Variants in THADA observed in about 807,000 individuals in gnomAD.
THADA encodes the protein tRNA (32-2'-O)-methyltransferase regulator THADA.
THADA carries 213 observed loss-of-function variants against 219.8 expected under a neutral mutation model. The ratio of observed to expected loss-of-function variants is 0.97; its 90% CI spans 0.87 to 1.09. The LOEUF is 1.09. Ranked by LOEUF, THADA falls within the 50% of genes least tolerant of loss-of-function variation. THADA has a pLI of 0.00. For missense variants in THADA, 2,956 were observed against 2,311.3 expected, an observed-to-expected ratio of 1.28 and a Z score of -5.72; for synonymous variants, 1,018 against 828.9, an observed-to-expected ratio of 1.23 and a Z score of -3.92.
At chr2:43,582,412 G>A (rs1044272701) in intron 7 of THADA, among the ~76,000 whole-genome samples, 2 of 150,788 alleles carry the variant, frequency 1.3e-5, no homozygotes, top group Non-Finnish European at 3.0e-5. Flanking sequence ...CAGGAGAATC[G>A]CTTGAACCCC....
chr2:43,232,969 G>C (rs1667616485), intron 36 of THADA, 87 bp from the exon 37 acceptor site: 1 of 1,422,192 alleles, frequency 7.0e-7, no homozygotes, highest in Non-Finnish European at 9.4e-7. Context: ...AACAATAAAG[G>C]CCTCAGGTAA....
intron 28 of THADA, among the ~76,000 whole-genome samples, chr2:43,424,467 G>A (rs1185049082): frequency 3.9e-5 from 6 of 152,070 alleles, no homozygotes; most frequent in Non-Finnish European, 8.8e-5. Flanking sequence ...CTGACCCACT[G>A]TGCATACACC....
At chr2:43,498,249 G>A (rs1688511891) in intron 25 of THADA, among the ~76,000 whole-genome samples, 1 of 152,100 alleles carries the variant, frequency 6.6e-6, no homozygotes, top group Non-Finnish European at 1.5e-5. Context: ...GGGAGTTAGT[G>A]TTTAATGAGT....
rs1292311559 is a variant in THADA, at chr2:43,371,487, TGA to T, written c.4227+26482_4227+26483del. Among the ~76,000 whole-genome samples the T allele has an allele frequency of 3.3e-5, 5 of 152,212 alleles. No homozygotes were observed. The East Asian group carries it at 7.7e-4, about 23-fold the overall frequency. ...AGAAAGAGCAATGCTCAGTTTTTGTTGAGAGGGGAATGAACTTTCACAAGTAA... is the reference window on the plus strand; with the variant it reads ...AGAAAGAGCAATGCTCAGTTTTTGTTGAGGGGAATGAACTTTCACAAGTAA... On this transcript the variant is annotated intron_variant, in intron 29 of 37. Coordinates refer to ENST00000405975, the MANE Select transcript of THADA (RefSeq NM_022065.5).
intron 26 of THADA, among the ~76,000 whole-genome samples, chr2:43,432,875 T>C (rs1469573485): frequency 6.6e-6 from 1 of 152,242 alleles, no homozygotes; most frequent in East Asian, 1.9e-4. Flanking sequence ...TTGCTTTTCC[T>C]TGGTCATATA....
chr2:43,588,331 T>A (rs1701212423), intron 4 of THADA, among the ~76,000 whole-genome samples: 1 of 151,646 alleles, frequency 6.6e-6, no homozygotes, highest in Non-Finnish European at 1.5e-5. Flanking sequence ...CAAATAATGT[T>A]TTAAATAATC....
At chr2:43,350,086 G>A (rs1668077754) in intron 29 of THADA, among the ~76,000 whole-genome samples, 3 of 152,154 alleles carry the variant, frequency 2.0e-5, no homozygotes, top group Admixed American at 2.0e-4. Context: ...GGTGATGTCA[G>A]GCCCCCTTTT....
chr2:43,578,178 G>T (rs534718255), intron 9 of THADA, among the ~76,000 whole-genome samples: 1 of 150,788 alleles, frequency 6.6e-6, no homozygotes, highest in African/African-American at 2.4e-5. Context: ...TAAGAGACAA[G>T]GTCTCACTCT....
intron 16 of THADA, among the ~76,000 whole-genome samples, chr2:43,557,077 T>C (rs1010873724): frequency 3.9e-5 from 6 of 152,038 alleles, no homozygotes; most frequent in Non-Finnish European, 5.9e-5. Flanking sequence ...AGTGAGACCC[T>C]GTCTCTATTA....
intron 36 of THADA, among the ~76,000 whole-genome samples, chr2:43,261,905 A>G (rs1393780426): frequency 6.6e-6 from 1 of 150,586 alleles, no homozygotes; most frequent in African/African-American, 2.4e-5. Flanking sequence ...CCAAAGTGCT[A>G]GGATTACAGG....
chr2:43,583,369 G>A (rs1574367586), intron 7 of THADA, among the ~76,000 whole-genome samples: 1 of 152,148 alleles, frequency 6.6e-6, no homozygotes, highest in Non-Finnish European at 1.5e-5. Flanking sequence ...ATCTTGGCCT[G>A]AGCCACTCTC....
intron 15 of THADA, 96 bp from the exon 16 acceptor site, chr2:43,560,481 A>G: frequency 1.1e-6 from 1 of 869,630 alleles, no homozygotes; most frequent in Non-Finnish European, 1.7e-6. Context: ...ATAAGTACCA[A>G]AAAACCACAC....
chr2:43,511,332 G>T (rs568412582), intron 22 of THADA, among the ~76,000 whole-genome samples: 4 of 152,312 alleles, frequency 2.6e-5, no homozygotes, highest in East Asian at 3.9e-4. Context: ...TCAACTGTCA[G>T]TGGGCCTCCC....
At position 43,266,027 on chromosome 2, in the gene THADA, A is replaced by G. The variant is rs547042117; in HGVS notation, c.5296+13738T>C. On this transcript the variant is annotated intron_variant, in intron 36 of 37. Coordinates refer to ENST00000405975, the MANE Select transcript of THADA (RefSeq NM_022065.5). ...GGTCTGAAGCAGAACCACCACAACC[A>G]CCACTATGTTCTATGAGTGGCTTTT... Among the ~76,000 whole-genome samples the G allele has an allele frequency of 1.9e-4, 28 of 147,288 alleles. No individual in the cohort carries two copies. The East Asian group carries it at 5.7e-3, about 30-fold the overall frequency.
At chr2:43,550,904 T>C (rs1008944941) in intron 19 of THADA, among the ~76,000 whole-genome samples, 7 of 152,154 alleles carry the variant, frequency 4.6e-5, no homozygotes, top group Non-Finnish European at 7.3e-5. Flanking sequence ...GGCAGAAGGA[T>C]TGCTTGACAA....
chr2:43,510,534 A>G (rs1252821221), intron 22 of THADA, among the ~76,000 whole-genome samples: 1 of 152,114 alleles, frequency 6.6e-6, no homozygotes, highest in Non-Finnish European at 1.5e-5. Context: ...CTCTATTAAT[A>G]ATATTGCCAG....
intron 26 of THADA, among the ~76,000 whole-genome samples, chr2:43,444,621 CAT>C (rs1681278038): frequency 6.6e-6 from 1 of 152,050 alleles, no homozygotes; most frequent in Non-Finnish European, 1.5e-5. Context: ...ATCTGCCACA[CAT>C]ATGAAAAGTT....
intron 30 of THADA, among the ~76,000 whole-genome samples, chr2:43,341,475 A>G (rs1176530230): frequency 1.3e-5 from 2 of 152,194 alleles, no homozygotes; most frequent in African/African-American, 4.8e-5. Flanking sequence ...AGCTGATGGC[A>G]GCTTTGTCAG....
intron 26 of THADA, among the ~76,000 whole-genome samples, chr2:43,480,942 A>G (rs1686140625): frequency 6.6e-6 from 1 of 152,242 alleles, no homozygotes; most frequent in Non-Finnish European, 1.5e-5. Context: ...CAAATAAGCT[A>G]TTCTGAATTC....
Sources: gnomAD v4.1 joint callset for allele counts (sites outside exome capture counted in the v4.1 genomes callset) on GRCh38, gnomAD v4.1.1 for gene constraint, MANE v1.5 for transcripts, NCBI Gene and HGNC (gene_info 2026-07-23, HGNC 2026-07-21) for gene names.